The following MORC1 variants were observed in gnomAD, a reference collection of about 807,000 sequenced individuals.
MORC1 encodes the protein MORC family CW-type zinc finger protein 1.
In MORC1, 59 loss-of-function variants were observed where a neutral mutation model predicts 134.9. The ratio of observed to expected loss-of-function variants is 0.44; its 90% CI spans 0.35 to 0.54. MORC1 has a LOEUF of 0.54. Ranked by LOEUF, MORC1 falls within the 20% of genes least tolerant of loss-of-function variation. MORC1 has a pLI of 0.00. For missense variants in MORC1, 947 were observed against 1,134.5 expected (o/e 0.83, Z 2.37); for synonymous variants, 395 against 391.7 (o/e 1.01, Z -0.10).
At chr3:108,984,012 G>A (rs1414881685) in intron 23 of MORC1, among the ~76,000 whole-genome samples, 1 of 152,184 alleles carries the variant, frequency 6.6e-6, no homozygotes, top group Non-Finnish European at 1.5e-5. Flanking sequence ...GGGCTGAAAA[G>A]GCTTTGGAGT....
At chr3:109,003,238 T>A (rs375270620) in intron 20 of MORC1, among the ~76,000 whole-genome samples, 1 of 150,208 alleles carries the variant, frequency 6.7e-6, no homozygotes, top group East Asian at 1.9e-4. Context: ...ACTGGCATAC[T>A]GAATGGCACA....
At chr3:109,055,500 T>C (rs755083454) in intron 13 of MORC1, among the ~76,000 whole-genome samples, 3 of 152,212 alleles carry the variant, frequency 2.0e-5, no homozygotes, top group Non-Finnish European at 4.4e-5. Context: ...TCCCTGCCTA[T>C]AGTGTTTTCT....
At chr3:108,979,790 C>A in intron 23 of MORC1, 123 bp from the exon 24 acceptor site, 2 of 968,998 alleles carry the variant, frequency 2.1e-6, no homozygotes, top group Non-Finnish European at 2.9e-6. Context: ...GCGTGTAATG[C>A]CGAAAACTGC....
chr3:109,115,248 T>C (rs139099220), intron 1 of MORC1, among the ~76,000 whole-genome samples: 1 of 152,214 alleles, frequency 6.6e-6, no homozygotes, highest in African/African-American at 2.4e-5. Context: ...CAAAAATACA[T>C]CTGCTCTTCT....
At chr3:109,092,595 A>G (rs1288981184) in intron 8 of MORC1, among the ~76,000 whole-genome samples, 1 of 152,164 alleles carries the variant, frequency 6.6e-6, no homozygotes, top group Non-Finnish European at 1.5e-5. Flanking sequence ...TATCATCAAT[A>G]TTTTTCATAT....
chr3:109,081,501 G>A (rs1950518977), intron 8 of MORC1, among the ~76,000 whole-genome samples: 1 of 142,776 alleles, frequency 7.0e-6, no homozygotes, highest in South Asian at 2.2e-4. Context: ...TGTCACCCAA[G>A]CTGGAGTGCA....
chr3:109,057,336 T>C lies in MORC1; in HGVS notation c.1175+7A>G. 1 of 1,603,822 alleles carries C rather than the reference T, an allele frequency of 6.2e-7. No homozygotes were observed. The highest frequency in any genetic ancestry group is 8.5e-7 in the Non-Finnish European group (1 of 1,175,904). Reference sequence around the variant, plus strand: ...GCTTATATCTCTGAAAGCAAAAACATACTCACAAGGACTTCAGTTTCAACT... The same window carrying C: ...GCTTATATCTCTGAAAGCAAAAACACACTCACAAGGACTTCAGTTTCAACT... On this transcript the variant is annotated splice_region_variant and intron_variant, in intron 13 of 27. Coordinates refer to ENST00000232603, the MANE Select transcript of MORC1 (RefSeq NM_014429.4).
chr3:109,076,011 C>T (rs1950413109), intron 8 of MORC1, among the ~76,000 whole-genome samples: 1 of 152,010 alleles, frequency 6.6e-6, no homozygotes, highest in South Asian at 2.1e-4. Flanking sequence ...AGAGTTTCTG[C>T]ACAGCAAAAG....
chr3:109,064,861 A>G (rs924103230), intron 9 of MORC1, among the ~76,000 whole-genome samples: 1 of 152,122 alleles, frequency 6.6e-6, no homozygotes, highest in Non-Finnish European at 1.5e-5. Context: ...TAGTGTGCCT[A>G]CTATGATATG....
At chr3:109,054,169 C>T (rs566348197) in intron 14 of MORC1, among the ~76,000 whole-genome samples, 55 of 151,968 alleles carry the variant, frequency 3.6e-4, no homozygotes, top group African/African-American at 1.3e-3. Flanking sequence ...GTAATCCCAG[C>T]CACTCGGGAG....
chr3:108,976,015 G>A (rs966064341), intron 24 of MORC1, among the ~76,000 whole-genome samples: 1 of 152,046 alleles, frequency 6.6e-6, no homozygotes, highest in Non-Finnish European at 1.5e-5. Flanking sequence ...ATATATGTTA[G>A]ACATACTGTT....
At chr3:109,046,344 G>A (rs545371067) in intron 14 of MORC1, among the ~76,000 whole-genome samples, 1 of 152,200 alleles carries the variant, frequency 6.6e-6, no homozygotes, top group African/African-American at 2.4e-5. Flanking sequence ...TCTTCAAGAA[G>A]AAATAAATTT....
intron 21 of MORC1, among the ~76,000 whole-genome samples, chr3:109,000,237 T>C (rs1170970789): frequency 6.6e-6 from 1 of 152,184 alleles, no homozygotes; most frequent in Non-Finnish European, 1.5e-5. Flanking sequence ...GGGAATGAGT[T>C]TTCACAATGA....
intron 8 of MORC1, among the ~76,000 whole-genome samples, chr3:109,081,463 T>C (rs1950517990): frequency 6.7e-6 from 1 of 149,822 alleles, no homozygotes; most frequent in Admixed American, 6.6e-5. Context: ...CTTTTTTTTT[T>C]TTTTTTTTTT....
At position 109,099,377 on chromosome 3, in the gene MORC1, T is replaced by C; in HGVS notation, c.404A>G (p.Glu135Gly). The change falls in exon 6 of 28, where the codon GAA (glutamate) becomes GGA (glycine). Residue 135 changes from glutamate to glycine, a missense_variant. Physicochemically the swap from Glu to Gly is moderately conservative, Grantham distance 98. Transcript: ENST00000232603. ...TCTTACCTCACTAAGACTTTCTTCT[T>C]CACAGAATGTCTGAGAAAAAAACAC... Reference protein sequence around the residue: ...TCVFFSQTFCEEESLSEVVVP... With the variant: ...TCVFFSQTFCGEESLSEVVVP... The C allele has an allele frequency of 6.2e-7, 1 of 1,611,190 alleles. No homozygotes were observed. Among genetic ancestry groups the C allele is most frequent in the African/African-American group, 1.3e-5 (1 of 74,864 alleles).
At chr3:108,959,879 T>A (rs1234017449) in intron 27 of MORC1, among the ~76,000 whole-genome samples, 1 of 152,176 alleles carries the variant, frequency 6.6e-6, no homozygotes, top group African/African-American at 2.4e-5. Context: ...TCTGCTGCAA[T>A]TGAAGCAAGA....
rs746451682 is a variant in MORC1, at chr3:108,959,005, C to A, written c.2915G>T (p.Arg972Ile). The change falls in exon 28 of 28, where the codon AGA becomes ATA. Residue 972 changes from arginine to isoleucine, a missense_variant. This residue lies in a region of MORC1 where 722 missense variants were observed against 817.0 expected (regional missense o/e 0.88). Transcript: ENST00000232603. ...LNKVTIDARHRLPLEKNEKTS... is the reference protein window; with the variant it reads ...LNKVTIDARHILPLEKNEKTS... The stretch of plus-strand genomic sequence containing the variant: ...CTTTTCATTTTTTTCTAAAGGGAGT[C>A]TATGTCTTGCATCTATAGTTACTTT... 6.4e-5 allele frequency: 98 copies of A among 1,536,854 alleles called. No individual in the cohort carries two copies. Among genetic ancestry groups the A allele is most frequent in the Non-Finnish European group, 8.5e-5 (97 of 1,143,546 alleles).
At chr3:109,086,655 A>G (rs1247084153) in intron 8 of MORC1, among the ~76,000 whole-genome samples, 1 of 152,078 alleles carries the variant, frequency 6.6e-6, no homozygotes, top group Non-Finnish European at 1.5e-5. Flanking sequence ...TTTAAGTATA[A>G]AGACTGACAT....
intron 8 of MORC1, among the ~76,000 whole-genome samples, chr3:109,082,527 T>A (rs778414620): frequency 6.6e-6 from 1 of 151,990 alleles, no homozygotes; most frequent in Non-Finnish European, 1.5e-5. Flanking sequence ...AACTCAGTGG[T>A]CTCCAAAGTA....
Sources: gnomAD v4.1 joint callset for allele counts (sites outside exome capture counted in the v4.1 genomes callset) on GRCh38, gnomAD v4.1.1 for gene constraint, gnomAD v4.1.1 regional missense constraint, MANE v1.5 for transcripts, NCBI Gene and HGNC (gene_info 2026-07-23, HGNC 2026-07-21) for gene names.